CALCOCO2: variants seen among roughly 807,000 people sequenced by gnomAD.
CALCOCO2 encodes the protein calcium-binding and coiled-coil domain-containing protein 2.
A neutral mutation model predicts 62.5 loss-of-function variants in CALCOCO2; 42 were observed. The ratio of observed to expected loss-of-function variants is 0.67; its 90% CI spans 0.53 to 0.87. CALCOCO2 has a LOEUF of 0.87. Ranked by LOEUF, CALCOCO2 falls within the 40% of genes least tolerant of loss-of-function variation. CALCOCO2 has a pLI of 0.00. For synonymous variants in CALCOCO2, 167 were observed against 173.0 expected (o/e 0.97, Z 0.27); for missense variants, 456 against 515.0 (o/e 0.89, Z 1.11).
intron 4 of CALCOCO2, 134 bp downstream of exon 4, chr17:48,848,589 A>G: frequency 1.3e-6 from 1 of 779,278 alleles, no homozygotes; most frequent in Non-Finnish European, 2.2e-6. Context: ...TAGTACTCAC[A>G]CAGACTCACT....
intron 10 of CALCOCO2, among the ~76,000 whole-genome samples, chr17:48,856,830 C>T (rs2040223273): frequency 6.7e-6 from 1 of 150,098 alleles, no homozygotes; most frequent in South Asian, 2.1e-4. Context: ...CAAGGTCTCA[C>T]TCTGTCACCC....
In CALCOCO2 at chr17:48,862,948, C is replaced by T. The variant is rs2040348877; in HGVS notation, c.1284C>T (p.Ile428=). 1 of 1,613,752 alleles carries T rather than the reference C, an allele frequency of 6.2e-7. No individual in the cohort carries two copies. Residue 428 remains isoleucine (I), a synonymous_variant, in exon 13 of 13, where the codon ATC becomes ATT. Coordinates refer to ENST00000258947, the MANE Select transcript of CALCOCO2 (RefSeq NM_005831.5). ...LCFNCPICDK[I]FPATEKQIFE... ...TCAATTGTCCAATTTGTGACAAGATCTTCCCAGCTACAGAGAAGCAGATCT... is the reference window on the plus strand; with the variant it reads ...TCAATTGTCCAATTTGTGACAAGATTTTCCCAGCTACAGAGAAGCAGATCT...
Position 48,863,498 on chromosome 17 carries a change from G to GT in CALCOCO2, c.*494dup, listed in dbSNP as rs2143691661. On this transcript the variant is annotated 3_prime_UTR_variant, in exon 13 of 13. Coordinates refer to ENST00000258947, the MANE Select transcript of CALCOCO2 (RefSeq NM_005831.5). ...TTGTTTTAGACTAGCCAAAAATGCC[G>GT]TGGCAAAGAGCTCAGAAATCCAATT... 6.4e-6 allele frequency: 1 copy of GT among 156,126 alleles called. No homozygotes were observed. The highest frequency in any genetic ancestry group is 1.9e-4 in the South Asian group (1 of 5,302). The allele number at this position is 156,126 out of a possible 1,614,324, so 9.7% of individuals were successfully genotyped here.
At position 48,852,666 on chromosome 17, in the gene CALCOCO2, G is replaced by T. The variant is rs2040151954; in HGVS notation, c.825+38G>T. ...GAGAAAACAACACTTTTAGGCATTT[G>T]CAAGAAAATATACGTTGTTCTTTGT... On this transcript the variant is annotated intron_variant, in intron 8 of 12. Coordinates refer to ENST00000258947, the MANE Select transcript of CALCOCO2 (RefSeq NM_005831.5). 2.5e-6 allele frequency: 4 copies of T among 1,583,928 alleles called. No homozygotes were observed. The South Asian group carries it at 4.5e-5, about 18-fold the overall frequency.
intron 8 of CALCOCO2, 124 bp downstream of exon 8, chr17:48,852,752 C>T (rs1277850063): frequency 1.9e-6 from 2 of 1,050,980 alleles, no homozygotes; most frequent in East Asian, 5.1e-5. Context: ...GGAAAGGGCT[C>T]AGAGGAAGCT....
chr17:48,862,241 T>G lies in CALCOCO2; in HGVS notation c.1145-35T>G, dbSNP rs541038295. On this transcript the variant is annotated intron_variant, in intron 11 of 12. Coordinates refer to ENST00000258947, the MANE Select transcript of CALCOCO2 (RefSeq NM_005831.5). ...AGTTGGAGAAGCTAGGGATGGTATT[T>G]TCTCATTGAATGAGATCTTTTTTAT... 9 of 1,437,462 alleles carry G rather than the reference T, an allele frequency of 6.3e-6. No homozygotes were observed. In the East Asian group the frequency reaches 2.0e-4, roughly 33 times the overall value. The allele number at this position is 1,437,462 out of a possible 1,614,324, so 89.0% of individuals were successfully genotyped here.
chr17:48,844,515 C>T (rs1045553806), intron 2 of CALCOCO2, among the ~76,000 whole-genome samples: 2 of 151,924 alleles, frequency 1.3e-5, no homozygotes, highest in East Asian at 2.0e-4. Flanking sequence ...AGTGCAATGG[C>T]GCGATCTTGG....
At chr17:48,858,029 G>GAACAGAACAGAACAGAA (rs1176370878) in intron 10 of CALCOCO2, among the ~76,000 whole-genome samples, 1 of 20,326 alleles carries the variant, frequency 4.9e-5, no homozygotes, top group Non-Finnish European at 1.5e-4. Context: ...GAATAGAATA[G>GAACAGAACAGAACAGAA]AATAGAATAG....
At chr17:48,832,219 C>T (rs1263511208) in intron 1 of CALCOCO2, among the ~76,000 whole-genome samples, 3 of 152,190 alleles carry the variant, frequency 2.0e-5, no homozygotes, top group Admixed American at 6.5e-5. Flanking sequence ...CATAGCAAAA[C>T]GCTGTCTTTA....
chr17:48,838,314 C>CT (rs2039925224), intron 1 of CALCOCO2, among the ~76,000 whole-genome samples: 1 of 152,218 alleles, frequency 6.6e-6, no homozygotes, highest in East Asian at 1.9e-4. Flanking sequence ...AGGGGTCGAT[C>CT]TTTAACTACC....
intron 10 of CALCOCO2, chr17:48,856,550 T>A (rs1467192199): frequency 2.2e-6 from 1 of 457,274 alleles, no homozygotes; most frequent in Admixed American, 2.3e-5. Flanking sequence ...TCAGCACAAC[T>A]TTTTCCTTTT....
At chr17:48,856,577 A>G (rs1305007070) in intron 10 of CALCOCO2, 11 of 456,642 alleles carry the variant, frequency 2.4e-5, no homozygotes, top group South Asian at 1.7e-4. Context: ...CTGCCAAACC[A>G]GGAGCAGAAG....
At chr17:48,854,154 A>G (rs2040171443) in intron 9 of CALCOCO2, among the ~76,000 whole-genome samples, 1 of 150,668 alleles carries the variant, frequency 6.6e-6, no homozygotes, top group Admixed American at 6.7e-5. Flanking sequence ...CGTCTCTACG[A>G]AAAATACAAA....
chr17:48,857,266 C>A (rs1330902389), intron 10 of CALCOCO2, among the ~76,000 whole-genome samples: 2 of 147,664 alleles, frequency 1.4e-5, no homozygotes, highest in Non-Finnish European at 3.0e-5. Flanking sequence ...GGCACGATCT[C>A]AGCTCACCGC....
Position 48,863,930 on chromosome 17 carries a change from G to T in CALCOCO2, c.*925G>T, listed in dbSNP as rs1351454497. ...TGTGATCAAAAGGGCTATGGGAAGG[G>T]CAGACCCCGCCAATGATTTCTCTTC... On this transcript the variant is annotated 3_prime_UTR_variant, in exon 13 of 13. Coordinates refer to ENST00000258947, the MANE Select transcript of CALCOCO2 (RefSeq NM_005831.5). The T allele has an allele frequency of 6.6e-6, 1 of 152,032 alleles. No homozygotes were observed. Among genetic ancestry groups the T allele is most frequent in the Non-Finnish European group, 1.5e-5 (1 of 68,026 alleles). The allele number at this position is 152,032 out of a possible 1,614,324, so 9.4% of individuals were successfully genotyped here. A position where few individuals can be genotyped will look rare whatever the true frequency, so the allele number is the denominator to read the frequency against.
intron 11 of CALCOCO2, among the ~76,000 whole-genome samples, chr17:48,861,093 C>T (rs557697280): frequency 1.6e-4 from 25 of 152,174 alleles, no homozygotes; most frequent in African/African-American, 5.8e-4. Context: ...TGTGGCCGTG[C>T]GCGGTGGCTC....
At chr17:48,841,350 G>A (rs1193964227) in intron 1 of CALCOCO2, among the ~76,000 whole-genome samples, 2 of 152,104 alleles carry the variant, frequency 1.3e-5, no homozygotes, top group African/African-American at 4.8e-5. Flanking sequence ...GAAAAATCTA[G>A]AATTTAACAG....
At position 48,848,361 on chromosome 17, in the gene CALCOCO2, G is replaced by C. The variant is rs1320521260; in HGVS notation, c.323G>C (p.Cys108Ser). 1 of 1,613,304 alleles carries C rather than the reference G, an allele frequency of 6.2e-7. No homozygotes were observed. The highest frequency in any genetic ancestry group is 2.2e-5 in the East Asian group (1 of 44,892). Residue 108 changes from cysteine to serine, a missense_variant, in exon 4 of 13, where the codon TGC becomes TCC. Coordinates refer to ENST00000258947, the MANE Select transcript of CALCOCO2 (RefSeq NM_005831.5). The part of the protein sequence containing the change: ...LPKDDEYYQF[C>S]YVDEDGVVRG... ...AAGGATGATGAGTATTACCAGTTCT[G>C]CTATGTGGATGAGGATGGTGTGGTC...
chr17:48,860,747 CA>C (rs1431672216), intron 11 of CALCOCO2, among the ~76,000 whole-genome samples: 1 of 152,088 alleles, frequency 6.6e-6, no homozygotes, highest in Non-Finnish European at 1.5e-5. Flanking sequence ...TATACACATA[CA>C]AAGCTGAGGA....
Sources: gnomAD v4.1 joint callset for allele counts (sites outside exome capture counted in the v4.1 genomes callset) on GRCh38, gnomAD v4.1.1 for gene constraint, MANE v1.5 for transcripts, NCBI Gene and HGNC (gene_info 2026-07-23, HGNC 2026-07-21) for gene names.